Variants in TTN observed in about 807,000 individuals in gnomAD.
The protein encoded by TTN is titin.
TTN carries 1,525 observed loss-of-function variants against 3,223.0 expected under a neutral mutation model. The observed-to-expected ratio is 0.47, with a 90% CI of 0.45 to 0.49. TTN has a LOEUF of 0.49. TTN is among the 20% of genes least tolerant of loss of function. The probability of loss-of-function intolerance (pLI) is 0.00; values close to 1 mark genes in which losing one functional copy is unlikely to be tolerated. For synonymous variants in TTN, 14,094 were observed against 15,161.0 expected (o/e 0.93, Z 5.17); for missense variants, 40,786 against 43,424.0 (o/e 0.94, Z 5.40).
At chr2:178,711,039 T>A (rs374503567) in intron 97 of TTN, 23 bp downstream of exon 97, 24 of 1,552,970 alleles carry the variant, frequency 1.5e-5, no homozygotes, top group Middle Eastern at 3.5e-4. Context: ...ATTCTAGAAA[T>A]GAAAGTTTAA....
At chr2:178,535,901 A>G in intron 357 of TTN, 52 bp from the exon 358 acceptor site, 3 of 1,508,914 alleles carry the variant, frequency 2.0e-6, no homozygotes, top group Non-Finnish European at 2.7e-6. Flanking sequence ...ATCTAACAGT[A>G]TGTGTTTAAG....
chr2:178,766,870 T>C (rs529725552), intron 40 of TTN, among the ~76,000 whole-genome samples: 1 of 152,336 alleles, frequency 6.6e-6, no homozygotes, highest in Middle Eastern at 3.4e-3. Flanking sequence ...GAGACAATTA[T>C]TTCATCCTTA....
At position 178,612,565 on chromosome 2, in the gene TTN, G is replaced by A. The variant is rs1362265469; in HGVS notation, c.49960C>T (p.Pro16654Ser). 1 of 1,606,612 alleles carries A rather than the reference G, an allele frequency of 6.2e-7. No homozygotes were observed. The highest frequency in any genetic ancestry group is 8.5e-7 in the Non-Finnish European group (1 of 1,177,920). Residue 16654 changes from proline (P) to serine (S), a missense_variant, in exon 266 of 363, where the codon CCA becomes TCA. Transcript: ENST00000589042. ...LCREKLYPPSPPRWLEVINIT... is the reference protein window; with the variant it reads ...LCREKLYPPSSPRWLEVINIT... ...TTAATAACTTCAAGCCAGCGTGGTG[G>A]TGATGGAGGATCTGAAAAAGAAGGA...
intron 15 of TTN, among the ~76,000 whole-genome samples, chr2:178,785,005 A>C (rs1383229721): frequency 6.6e-6 from 1 of 152,176 alleles, no homozygotes; most frequent in African/African-American, 2.4e-5. Context: ...TCAAGGATTT[A>C]TTACATGCTG....
chr2:178,777,116 T>A, intron 27 of TTN, 33 bp downstream of exon 27: 1 of 1,614,048 alleles, frequency 6.2e-7, no homozygotes. Flanking sequence ...TGGATTTGTA[T>A]AATGAGCTTA....
chr2:178,591,012 T>C lies in TTN; in HGVS notation c.60713A>G (p.Lys20238Arg). 1 of 1,613,478 alleles carries C rather than the reference T, an allele frequency of 6.2e-7. No individual in the cohort carries two copies. Among genetic ancestry groups the C allele is most frequent in the Non-Finnish European group, 8.5e-7 (1 of 1,179,556 alleles). The part of the protein sequence containing the change: ...KTKLKIPHLQ[K>R]GCEYVFRVRA... Reference sequence around the variant, plus strand: ...AACTCGGAAAACATATTCACAGCCCTTCTGCAGATGTGGGATTTTCAGCTT... The same window carrying C: ...AACTCGGAAAACATATTCACAGCCCCTCTGCAGATGTGGGATTTTCAGCTT... Residue 20238 changes from lysine (K) to arginine (R), a missense_variant, in exon 304 of 363, where the codon AAG becomes AGG. Physicochemically the swap from Lys to Arg is conservative, Grantham distance 26. Transcript: ENST00000589042.
chr2:178,607,500 T>C lies in TTN; in HGVS notation c.53188A>G (p.Ile17730Val). 1.2e-6 allele frequency: 2 copies of C among 1,613,274 alleles called. No homozygotes were observed. Among genetic ancestry groups the C allele is most frequent in the Non-Finnish European group, 1.7e-6 (2 of 1,179,392 alleles). Residue 17730 changes from isoleucine to valine, a missense_variant, in exon 277 of 363, where the codon ATT becomes GTT. Coordinates refer to ENST00000589042, the MANE Select transcript of TTN (RefSeq NM_001267550.2). ...IDNVGTKSELIIKDALRKDHG... is the reference protein window; with the variant it reads ...IDNVGTKSELVIKDALRKDHG... Reference sequence around the variant, plus strand: ...TCTTTTCGCAGTGCATCCTTGATAATTAGTTCAGATTTGGTTCCAACGTTG... The same window carrying C: ...TCTTTTCGCAGTGCATCCTTGATAACTAGTTCAGATTTGGTTCCAACGTTG...
chr2:178,789,328 G>A, intron 13 of TTN, 32 bp downstream of exon 13: 1 of 1,611,862 alleles, frequency 6.2e-7, no homozygotes, highest in Non-Finnish European at 8.5e-7. Context: ...TATTATAATA[G>A]GGGATTTCAC....
intron 28 of TTN, 57 bp from the exon 29 acceptor site, chr2:178,775,259 C>T (rs1468605391): frequency 1.2e-6 from 2 of 1,612,558 alleles, no homozygotes; most frequent in East Asian, 2.2e-5. Context: ...ATTAAATTCT[C>T]AACCTGAGGA....
At chr2:178,746,750 T>A (rs747143720) in intron 47 of TTN, 81 of 1,613,326 alleles carry the variant, frequency 5.0e-5, no homozygotes, top group Non-Finnish European at 4.2e-5. Context: ...TTTATTTCGA[T>A]ACCATTTCAC....
At position 178,549,670 on chromosome 2, in the gene TTN, T is replaced by C. The variant is rs764401165; in HGVS notation, c.92052A>G (p.Leu30684=). 24 of 1,613,740 alleles carry C rather than the reference T, an allele frequency of 1.5e-5. No homozygotes were observed. The South Asian group carries it at 2.3e-4, about 16-fold the overall frequency. ...GGAATTGGTATTCATTGCCGTTTAT[T>C]AGTTTAATGGCAGTGTAACTTTGGG... ...CEAQSYTAIK[L]INGNEYQFRV... is the part of the protein sequence containing the mutation. Residue 30684 remains leucine (L), a synonymous_variant, in exon 338 of 363, where the codon CTA becomes CTG. Coordinates refer to ENST00000589042, the MANE Select transcript of TTN (RefSeq NM_001267550.2).
At position 178,578,660 on chromosome 2, in the gene TTN, T is replaced by C. The variant is rs1001490143; in HGVS notation, c.68280A>G (p.Val22760=). ...TCTTGGGGTCAGTCCAAGTTAGAGATACTGAATCGTGTCTGACATCCACAA... is the reference window on the plus strand; with the variant it reads ...TCTTGGGGTCAGTCCAAGTTAGAGACACTGAATCGTGTCTGACATCCACAA... ...PNIVDVRHDS[V]SLTWTDPKKT... is the part of the protein sequence containing the mutation. The change falls in exon 321 of 363, where the codon GTA becomes GTG. Residue 22760 remains valine, a synonymous_variant. Transcript: ENST00000589042. 2 of 1,612,164 alleles carry C rather than the reference T, an allele frequency of 1.2e-6. No homozygotes were observed. The highest frequency in any genetic ancestry group is 1.7e-5 in the Admixed American group (1 of 59,876).
chr2:178,536,685 G>T, intron 356 of TTN, 110 bp from the exon 357 acceptor site: 1 of 998,184 alleles, frequency 1.0e-6, no homozygotes, highest in Non-Finnish European at 1.4e-6. Flanking sequence ...TTAAAAAATA[G>T]CTATTCCAGA....
intron 113 of TTN, 71 bp downstream of exon 113, chr2:178,697,050 A>G: frequency 7.5e-7 from 1 of 1,337,970 alleles, no homozygotes; most frequent in Middle Eastern, 2.4e-4. Flanking sequence ...CCTAATATTT[A>G]AAATAAGAAT....
rs1165288151 is a variant in TTN, at chr2:178,625,350, T to A, written c.44471A>T (p.Asp14824Val). ...TTCCCCAGCATCTTCTAACTTTACA[T>A]CCCTCAGAGTAAGTGTATGAACTTT... is the stretch of plus-strand genomic sequence containing the variant. ...EGKVHTLTLRDVKLEDAGEVQ... is the reference protein window; with the variant it reads ...EGKVHTLTLRVVKLEDAGEVQ... The change falls in exon 241 of 363, where the codon GAT (aspartate) becomes GTT (valine). Residue 14824 changes from aspartate to valine, a missense_variant. Asp to Val is a radical substitution (Grantham distance 152). Transcript: ENST00000589042. 5 of 1,601,200 alleles carry A rather than the reference T, an allele frequency of 3.1e-6. No individual in the cohort carries two copies. Among genetic ancestry groups the A allele is most frequent in the Non-Finnish European group, 4.3e-6 (5 of 1,174,746 alleles).
chr2:178,772,761 G>T (rs1278469046), intron 33 of TTN, among the ~76,000 whole-genome samples: 2 of 152,134 alleles, frequency 1.3e-5, no homozygotes, highest in Non-Finnish European at 2.9e-5. Flanking sequence ...GATTTCAGGA[G>T]TTTATACACT....
chr2:178,538,445 A>G, intron 354 of TTN, 95 bp downstream of exon 354: 1 of 1,256,872 alleles, frequency 8.0e-7, no homozygotes, highest in Non-Finnish European at 1.1e-6. Flanking sequence ...TTGCTCTCCA[A>G]TAAAGCTTTC....
At chr2:178,733,988 G>T (rs2154311819) in intron 52 of TTN, 96 bp from the exon 53 acceptor site, 1 of 1,169,922 alleles carries the variant, frequency 8.5e-7, no homozygotes, top group South Asian at 1.9e-5. Flanking sequence ...TATTTATCTT[G>T]TCCCAATACT....
chr2:178,531,385 G>C lies in TTN; in HGVS notation c.105230C>G (p.Ser35077Cys). The change falls in exon 358 of 363, where the codon TCT becomes TGT. Residue 35077 changes from serine (S) to cysteine (C), a missense_variant. Physicochemically the swap from Ser to Cys is moderately radical, Grantham distance 112 (BLOSUM62 -1). Coordinates refer to ENST00000589042, the MANE Select transcript of TTN (RefSeq NM_001267550.2). ...FKKTSEMEAS[S>C]SVREVKSQMT... ...CTGTGATTTCACTTCCCTGACAGAAGACGAAGCTTCCATCTCAGATGTTTT... is the reference window on the plus strand; with the variant it reads ...CTGTGATTTCACTTCCCTGACAGAACACGAAGCTTCCATCTCAGATGTTTT... The C allele has an allele frequency of 2.5e-6, 4 of 1,614,022 alleles. No individual in the cohort carries two copies. Among genetic ancestry groups the C allele is most frequent in the Non-Finnish European group, 3.4e-6 (4 of 1,179,902 alleles).
Sources: allele counts gnomAD v4.1 joint callset (sites outside exome capture counted in the v4.1 genomes callset), GRCh38; gene constraint gnomAD v4.1.1; transcripts MANE v1.5; gene names NCBI Gene and HGNC (gene_info 2026-07-23, HGNC 2026-07-21).